ADPRHL1: variants seen among roughly 807,000 people sequenced by gnomAD.
The protein encoded by ADPRHL1 is inactive ADP-ribosyltransferase ARH2.
Under a neutral mutation model 44.1 loss-of-function variants are expected in ADPRHL1, and 43 were observed. The ratio of observed to expected loss-of-function variants is 0.98; its 90% confidence interval spans 0.76 to 1.26. ADPRHL1 has a LOEUF of 1.26. Among genes scored for constraint, ADPRHL1 ranks in the 50% most tolerant of loss-of-function variants. The pLI, the probability that ADPRHL1 is intolerant of heterozygous loss-of-function variation, is 0.00. For missense variants in ADPRHL1, 2,022 were observed against 2,496.9 expected (o/e 0.81, Z 4.05); for synonymous variants, 878 against 1,017.4 (o/e 0.86, Z 2.61).
Position 113,423,194 on chromosome 13 carries a change from T to G in ADPRHL1, c.908-215A>C, listed in dbSNP as rs573654166. Among the ~76,000 whole-genome samples, 25 of 151,150 alleles carry G rather than the reference T, an allele frequency of 1.7e-4. No individual in the cohort carries two copies. The South Asian group carries it at 1.7e-3, about 10-fold the overall frequency. On this transcript the variant is annotated intron_variant, in intron 6 of 7. Coordinates refer to ENST00000612156, the MANE Select transcript of ADPRHL1 (RefSeq NM_001394807.1). ...ATCTCTTGAACCCGGGAGGCAGAGGTGGCAACGAGCCGAGATTGCCTCTCT... is the reference window on the plus strand; with the variant it reads ...ATCTCTTGAACCCGGGAGGCAGAGGGGGCAACGAGCCGAGATTGCCTCTCT...
chr13:113,404,890 C>T lies in ADPRHL1; in HGVS notation c.4392G>A (p.Arg1464=). The T allele has an allele frequency of 8.0e-7, 1 of 1,246,064 alleles. No homozygotes were observed. The highest frequency in any genetic ancestry group is 3.7e-5 in the South Asian group (1 of 26,982). The allele number at this position is 1,246,064 out of a possible 1,614,324, so 77.2% of individuals were successfully genotyped here. The change falls in exon 8 of 8, where the codon AGG becomes AGA. Residue 1464 remains arginine, a synonymous_variant. Transcript: ENST00000612156. ...GRSTAWGEGT[R]AARNPAVPPG... Reference sequence around the variant, plus strand: ...GAGGCACAGCTGGGTTCCTGGCAGCCCTGGTGCCCTCTCCCCACGCCGTGC... The same window carrying T: ...GAGGCACAGCTGGGTTCCTGGCAGCTCTGGTGCCCTCTCCCCACGCCGTGC...
rs71214119 is a variant in ADPRHL1 at position 113,415,750 on chromosome 13, C to CAAAAAAAAAAAAAAA, written c.1061+7061_1061+7075dup. On this transcript the variant is annotated intron_variant, in intron 7 of 7. Transcript: ENST00000612156. Reference sequence around the variant, plus strand: ...TGGGTGACAGAGTGAGACTCCATCTCAAAAAAAAAAAAAAAAAAAAAGAGA... The same window carrying CAAAAAAAAAAAAAAA: ...TGGGTGACAGAGTGAGACTCCATCTCAAAAAAAAAAAAAAAAAAAAAAAAAAAAAAAAAAAAGAGA... Among the ~76,000 whole-genome samples the CAAAAAAAAAAAAAAA allele has an allele frequency of 2.2e-4, 14 of 63,028 alleles. 1 individual carries two copies. The highest frequency in any genetic ancestry group is 0.013 in the Middle Eastern group (1 of 78). The allele number at this position is 63,028 out of a possible 152,430, so 41.3% of individuals were successfully genotyped here. A position where few individuals can be genotyped will look rare whatever the true frequency, so the allele number is the denominator to read the frequency against.
At chr13:113,414,415 AC>A (rs1555325830) in intron 7 of ADPRHL1, among the ~76,000 whole-genome samples, 1 of 33,716 alleles carries the variant, frequency 3.0e-5, no homozygotes, top group Non-Finnish European at 6.5e-5. Flanking sequence ...ATTGGCCCCC[AC>A]CCTCCCTCCC....
At chr13:113,431,167 C>T (rs946493068) in intron 3 of ADPRHL1, among the ~76,000 whole-genome samples, 1 of 152,280 alleles carries the variant, frequency 6.6e-6, no homozygotes, top group East Asian at 1.9e-4. Flanking sequence ...GTGCCGCGTG[C>T]GTTCTGACAT....
In ADPRHL1 at chr13:113,428,964, G is replaced by C. The variant is rs199557593; in HGVS notation, c.634C>G (p.Arg212Gly). ...GGGAGCGGCTCACCTGCCGTGTGCC[G>C]GATGGTCTTCCTGCAGTACTCTTCT... Reference protein sequence around the residue: ...LAEEYCRKTIRHTAEYQEHWF... With the variant: ...LAEEYCRKTIGHTAEYQEHWF... Residue 212 changes from arginine (R) to glycine (G), a missense_variant, in exon 4 of 8, where the codon CGG becomes GGG. Arg to Gly is a moderately radical substitution (Grantham distance 125). Transcript: ENST00000612156. 6.2e-7 allele frequency: 1 copy of C among 1,612,536 alleles called. No individual in the cohort carries two copies. The highest frequency in any genetic ancestry group is 1.3e-5 in the African/African-American group (1 of 74,946).
chr13:113,408,528 C>T (rs1317343801), intron 7 of ADPRHL1, among the ~76,000 whole-genome samples: 1 of 152,160 alleles, frequency 6.6e-6, no homozygotes, highest in Non-Finnish European at 1.5e-5. Flanking sequence ...TTTGGAAAAC[C>T]ACTTTGCATA....
rs138609269 is a variant in ADPRHL1, at chr13:113,444,534, G to T, written c.270C>A (p.Ile90=). The T allele has an allele frequency of 1.2e-6, 2 of 1,614,056 alleles. No homozygotes were observed. The highest frequency in any genetic ancestry group is 3.3e-5 in the Admixed American group (2 of 60,004). ...GCCGGCGTTCTGGAAGCTTCTCAAC[G>T]ATTTCCACATAGCATCTCACCATCT... The part of the protein sequence containing the change: ...YREMVRCYVE[I]VEKLPERRPD... Residue 90 remains isoleucine, a synonymous_variant, in exon 2 of 8, where the codon ATC becomes ATA. Transcript: ENST00000612156.
chr13:113,431,287 C>T (rs1193388600), intron 3 of ADPRHL1, among the ~76,000 whole-genome samples: 1 of 152,256 alleles, frequency 6.6e-6, no homozygotes, highest in Non-Finnish European at 1.5e-5. Flanking sequence ...CTCAACACGG[C>T]CGCTACATGG....
intron 3 of ADPRHL1, 101 bp downstream of exon 3, chr13:113,433,641 C>G: frequency 4.1e-6 from 6 of 1,473,856 alleles, no homozygotes; most frequent in Non-Finnish European, 5.4e-6. Context: ...GCGGCAGCTC[C>G]AGGCCCCCGC....
chr13:113,410,802 G>A (rs898985490), intron 7 of ADPRHL1, among the ~76,000 whole-genome samples: 1 of 152,216 alleles, frequency 6.6e-6, no homozygotes, highest in Non-Finnish European at 1.5e-5. Context: ...CCAGCCTGGG[G>A]GCATTGTGCT....
In ADPRHL1 at chr13:113,403,228, G is replaced by A. The variant is rs1019343119; in HGVS notation, c.*150C>T. On this transcript the variant is annotated 3_prime_UTR_variant, in exon 8 of 8. Coordinates refer to ENST00000612156, the MANE Select transcript of ADPRHL1 (RefSeq NM_001394807.1). Reference sequence around the variant, plus strand: ...CCACATGTAGCTCAATCCTCCCAAGGTCAGCTTGTGAAGAAGGGAAAGAAA... The same window carrying A: ...CCACATGTAGCTCAATCCTCCCAAGATCAGCTTGTGAAGAAGGGAAAGAAA... The A allele has an allele frequency of 4.4e-6, 3 of 679,146 alleles. No homozygotes were observed. Among genetic ancestry groups the A allele is most frequent in the South Asian group, 7.9e-5 (1 of 12,694 alleles). The allele number at this position is 679,146 out of a possible 1,614,324, so 42.1% of individuals were successfully genotyped here.
Position 113,433,914 on chromosome 13 carries a change from C to G in ADPRHL1, c.380-47G>C, listed in dbSNP as rs376764084. On this transcript the variant is annotated intron_variant, in intron 2 of 7. Transcript: ENST00000612156. ...AGTTTAGACTTCTGCTCCAATAATT[C>G]CACCCCTGACAATCTAGCTTTCATG... The G allele has an allele frequency of 9.4e-6, 14 of 1,486,630 alleles. No individual in the cohort carries two copies. In the East Asian group the frequency reaches 3.3e-4, roughly 35 times the overall value. The allele number at this position is 1,486,630 out of a possible 1,614,324, so 92.1% of individuals were successfully genotyped here.
At chr13:113,449,611 A>G (rs1482908463) in intron 1 of ADPRHL1, among the ~76,000 whole-genome samples, 2 of 152,240 alleles carry the variant, frequency 1.3e-5, no homozygotes, top group African/African-American at 4.8e-5. Context: ...GGAAGGAGGG[A>G]GCCACACAGG....
At chr13:113,450,253 C>G (rs182952357) in intron 1 of ADPRHL1, among the ~76,000 whole-genome samples, 253 of 152,270 alleles carry the variant, frequency 1.7e-3, no homozygotes, top group Non-Finnish European at 2.3e-3. Flanking sequence ...GACCCCCTTC[C>G]ATAGGCTACA....
intron 2 of ADPRHL1, among the ~76,000 whole-genome samples, chr13:113,443,560 A>G (rs2044113857): frequency 1.3e-5 from 2 of 152,062 alleles, no homozygotes; most frequent in South Asian, 4.1e-4. Context: ...TCAAGGCTGC[A>G]GTGAGCCATG....
intron 2 of ADPRHL1, among the ~76,000 whole-genome samples, chr13:113,436,895 CCT>C (rs2044062864): frequency 6.9e-6 from 1 of 145,404 alleles, no homozygotes; most frequent in South Asian, 2.2e-4. Context: ...ATAGGTGTAC[CCT>C]GTGACCCAGC....
At chr13:113,440,723 G>A (rs2139644615) in intron 2 of ADPRHL1, among the ~76,000 whole-genome samples, 1 of 152,142 alleles carries the variant, frequency 6.6e-6, no homozygotes, top group East Asian at 1.9e-4. Context: ...CCAAAGTTCT[G>A]GGATCACAGG....
At chr13:113,417,046 G>C (rs576272905) in intron 7 of ADPRHL1, among the ~76,000 whole-genome samples, 1 of 152,216 alleles carries the variant, frequency 6.6e-6, no homozygotes, top group African/African-American at 2.4e-5. Flanking sequence ...CATTAAGATA[G>C]GAGAGAGAGA....
rs1401086833 is a variant in ADPRHL1, at chr13:113,408,033, G to A, written c.1249C>T (p.Pro417Ser). 4 of 1,232,704 alleles carry A rather than the reference G, an allele frequency of 3.2e-6. No homozygotes were observed. 76.4% of individuals were successfully genotyped at this position (1,232,704 alleles called of 1,614,324 possible). A position where few individuals can be genotyped will look rare whatever the true frequency, so the allele number is the denominator to read the frequency against. Residue 417 changes from proline to serine, a missense_variant, in exon 8 of 8, where the codon CCC (proline) becomes TCC (serine). By Grantham distance (74) the Pro-to-Ser change is moderately conservative. Transcript: ENST00000612156. Reference protein sequence around the residue: ...EAGGSRPSHQPQTQEATQRPT... With the variant: ...EAGGSRPSHQSQTQEATQRPT... ...CGCTGGGTGGCCTCCTGGGTCTGGG[G>A]CTGGTGGCTGGGCCTGCTCCCCCCG...
Sources: allele counts gnomAD v4.1 joint callset (sites outside exome capture counted in the v4.1 genomes callset), GRCh38; gene constraint gnomAD v4.1.1; transcripts MANE v1.5; gene names NCBI Gene and HGNC (gene_info 2026-07-23, HGNC 2026-07-21).